DPYD: variants seen among roughly 807,000 people sequenced by gnomAD.
DPYD encodes the protein dihydropyrimidine dehydrogenase [NADP(+)].
A neutral mutation model predicts 116.2 loss-of-function variants in DPYD; 109 were observed. The observed-to-expected ratio is 0.94, with a 90% CI of 0.80 to 1.10. The LOEUF (loss-of-function observed/expected upper bound fraction) is 1.10. DPYD is among the 50% of genes least tolerant of loss of function. The pLI, the probability that DPYD is intolerant of heterozygous loss-of-function variation, is 0.00. For missense variants in DPYD, 1,302 were observed against 1,254.5 expected (o/e 1.04, Z -0.57); for synonymous variants, 440 against 432.0 (o/e 1.02, Z -0.23).
chr1:97,246,781 A>G (rs1662746914), intron 18 of DPYD, among the ~76,000 whole-genome samples: 1 of 152,166 alleles, frequency 6.6e-6, no homozygotes, highest in African/African-American at 2.4e-5. Flanking sequence ...CTAGTATAAG[A>G]ATAAACAGGT....
chr1:97,667,253 A>G (rs970919563), intron 8 of DPYD, among the ~76,000 whole-genome samples: 6 of 152,130 alleles, frequency 3.9e-5, no homozygotes, highest in African/African-American at 1.4e-4. Context: ...TAATTTGCCA[A>G]TTCAAAACTG....
At chr1:97,759,238 A>G (rs2101122096) in intron 3 of DPYD, among the ~76,000 whole-genome samples, 1 of 152,268 alleles carries the variant, frequency 6.6e-6, no homozygotes, top group South Asian at 2.1e-4. Flanking sequence ...TTCACTAAAT[A>G]TCTTAAAGTT....
chr1:97,522,931 G>GT (rs1218622992), intron 12 of DPYD, among the ~76,000 whole-genome samples: 2 of 151,826 alleles, frequency 1.3e-5, no homozygotes, highest in Non-Finnish European at 2.9e-5. Context: ...TAGTATTCTA[G>GT]TTATCCTTTG....
intron 3 of DPYD, among the ~76,000 whole-genome samples, chr1:97,809,196 G>C (rs1309106690): frequency 6.6e-6 from 1 of 152,142 alleles, no homozygotes; most frequent in African/African-American, 2.4e-5. Flanking sequence ...CAGTCTTTAT[G>C]GATACCAGTT....
chr1:97,271,722 G>T (rs1010480221), intron 18 of DPYD, among the ~76,000 whole-genome samples: 1 of 151,806 alleles, frequency 6.6e-6, no homozygotes, highest in Non-Finnish European at 1.5e-5. Flanking sequence ...CTACTGTTTT[G>T]TACCTTACCA....
intron 20 of DPYD, among the ~76,000 whole-genome samples, chr1:97,166,797 T>C (rs1167018321): frequency 6.6e-6 from 1 of 152,190 alleles, no homozygotes; most frequent in Non-Finnish European, 1.5e-5. Context: ...TATTTTATGT[T>C]ATGAGTTCTC....
At position 97,860,880 on chromosome 1, in the gene DPYD, TA is replaced by T. The variant is rs1291986966; in HGVS notation, c.150+22383del. On this transcript the variant is annotated intron_variant, in intron 2 of 22. Transcript: ENST00000370192. ...TCTCAAACGATAAAAAGCTACAGGGTAAAAAAAAAGGAGGGACTTAAAAAAG... is the reference window on the plus strand; with the variant it reads ...TCTCAAACGATAAAAAGCTACAGGGTAAAAAAAAGGAGGGACTTAAAAAAG... Among the ~76,000 whole-genome samples the T allele has an allele frequency of 1.2e-4, 18 of 150,292 alleles. No homozygotes were observed. The South Asian group carries it at 2.5e-3, about 21-fold the overall frequency.
chr1:97,634,017 C>T (rs1657422943), intron 8 of DPYD, among the ~76,000 whole-genome samples: 2 of 152,058 alleles, frequency 1.3e-5, no homozygotes, highest in Admixed American at 6.6e-5. Context: ...GATAACTCTT[C>T]CTGCATCTTC....
In DPYD at chr1:97,813,532, T is replaced by C. The variant is rs75693011; in HGVS notation, c.233+14582A>G. 0.011 allele frequency among the ~76,000 whole-genome samples: 1,664 copies of C among 152,286 alleles called. 99 individuals carry two copies. The East Asian group carries it at 0.16, about 15-fold the overall frequency. On this transcript the variant is annotated intron_variant, in intron 3 of 22. Coordinates refer to ENST00000370192, the MANE Select transcript of DPYD (RefSeq NM_000110.4). ...AAGATAGAGAAAGATGCTAGCAAGA[T>C]AATTGGTTTGTAAACATAGCACAGA...
At chr1:97,433,809 G>A (rs1446360639) in intron 14 of DPYD, among the ~76,000 whole-genome samples, 5 of 152,118 alleles carry the variant, frequency 3.3e-5, no homozygotes, top group Non-Finnish European at 7.4e-5. Context: ...TATATGAAAT[G>A]TAAAGCATTT....
chr1:97,776,218 T>C (rs1022214812), intron 3 of DPYD, among the ~76,000 whole-genome samples: 2 of 152,214 alleles, frequency 1.3e-5, no homozygotes, highest in African/African-American at 4.8e-5. Context: ...ATTCTACTCA[T>C]GAATGCCTGC....
At chr1:97,667,056 T>C (rs1659605144) in intron 8 of DPYD, among the ~76,000 whole-genome samples, 2 of 152,200 alleles carry the variant, frequency 1.3e-5, no homozygotes, top group African/African-American at 4.8e-5. Flanking sequence ...TTTGTTTACA[T>C]ATACTCTAAG....
chr1:97,429,084 T>C (rs1338474548), intron 14 of DPYD, among the ~76,000 whole-genome samples: 1 of 152,028 alleles, frequency 6.6e-6, no homozygotes, highest in Non-Finnish European at 1.5e-5. Context: ...TTGGGGAGTA[T>C]TATAAATTAC....
At chr1:97,586,472 ATATATATATATATATATATAT>A (rs1354853255) in intron 10 of DPYD, among the ~76,000 whole-genome samples, 3 of 10,726 alleles carry the variant, frequency 2.8e-4, no homozygotes, top group Non-Finnish European at 5.9e-4. Context: ...ATACATATAT[ATATATATATATATATATATAT>A]ATATATATAT....
intron 3 of DPYD, among the ~76,000 whole-genome samples, chr1:97,751,473 T>TAC (rs1664915413): frequency 8.7e-6 from 1 of 115,566 alleles, no homozygotes. Context: ...TATATATATA[T>TAC]ATATATATAT....
chr1:97,509,334 G>A (rs920664515), intron 13 of DPYD, among the ~76,000 whole-genome samples: 7 of 151,950 alleles, frequency 4.6e-5, no homozygotes, highest in African/African-American at 1.7e-4. Flanking sequence ...AAAACCAAGA[G>A]TAAGATCTTA....
chr1:97,516,814 C>G (rs1268330750), intron 12 of DPYD, among the ~76,000 whole-genome samples: 1 of 151,912 alleles, frequency 6.6e-6, no homozygotes, highest in Non-Finnish European at 1.5e-5. Flanking sequence ...TAAAGTGTCT[C>G]TCTCACTCCA....
At chr1:97,194,908 G>T (rs888769044) in intron 19 of DPYD, among the ~76,000 whole-genome samples, 6 of 152,138 alleles carry the variant, frequency 3.9e-5, no homozygotes, top group African/African-American at 1.4e-4. Flanking sequence ...TTGAATCAGA[G>T]AAATTAAAGT....
chr1:97,479,551 A>AT (rs1263473571), intron 13 of DPYD, among the ~76,000 whole-genome samples: 4 of 152,240 alleles, frequency 2.6e-5, no homozygotes, highest in African/African-American at 9.6e-5. Context: ...CCTAACAGAC[A>AT]TAATAGTACT....
Sources: gnomAD v4.1 joint callset for allele counts (sites outside exome capture counted in the v4.1 genomes callset) on GRCh38, gnomAD v4.1.1 for gene constraint, MANE v1.5 for transcripts, NCBI Gene and HGNC (gene_info 2026-07-23, HGNC 2026-07-21) for gene names.